TLR2: variants seen among roughly 807,000 people sequenced by gnomAD.
The protein encoded by TLR2 is toll like receptor 2, also known as toll-like receptor 2.
Under a neutral mutation model 9.1 loss-of-function variants are expected in TLR2, and 7 were observed. The ratio of observed to expected loss-of-function variants is 0.77; its 90% CI spans 0.44 to 1.44. TLR2 has a LOEUF of 1.44. TLR2 is among the 40% of genes most tolerant of loss of function. The probability of loss-of-function intolerance (pLI) is 0.01; values close to 1 mark genes in which losing one functional copy is unlikely to be tolerated. For synonymous variants in TLR2, 317 were observed against 344.6 expected (o/e 0.92, Z 0.89); for missense variants, 812 against 904.6 (o/e 0.90, Z 1.31).
intron 2 of TLR2, among the ~76,000 whole-genome samples, chr4:153,691,306 G>A (rs572304239): frequency 6.6e-6 from 1 of 152,214 alleles, no homozygotes; most frequent in Non-Finnish European, 1.5e-5. Flanking sequence ...GGTTTGCCAA[G>A]TAAGACTATT....
chr4:153,710,530 T>C, downstream of TLR2: 4 of 1,585,248 alleles, frequency 2.5e-6, no homozygotes, highest in South Asian at 4.5e-5. Flanking sequence ...TACAGCCAAG[T>C]AGCAGAAATA....
At chr4:153,695,583 T>A (rs1736435407) in intron 2 of TLR2, among the ~76,000 whole-genome samples, 1 of 152,250 alleles carries the variant, frequency 6.6e-6, no homozygotes, top group Non-Finnish European at 1.5e-5. Flanking sequence ...ATTAATCCCC[T>A]TTCAAATGGA....
rs749821450 is a variant in TLR2 at position 153,703,379 on chromosome 4, A to T, written c.472A>T (p.Asn158Tyr). The T allele has an allele frequency of 2.5e-6, 4 of 1,614,150 alleles. No homozygotes were observed. The highest frequency in any genetic ancestry group is 3.4e-6 in the Non-Finnish European group (4 of 1,180,028). The change falls in exon 3 of 3, where the codon AAT (asparagine) becomes TAT (tyrosine). Residue 158 changes from asparagine (N) to tyrosine (Y), a missense_variant. Asn to Tyr is a moderately radical substitution (Grantham distance 143). Coordinates refer to ENST00000642700, the MANE Select transcript of TLR2 (RefSeq NM_001318789.2). ...LTKLQILRVG[N>Y]MDTFTKIQRK... is the part of the protein sequence containing the mutation. ...AAAATTGCAAATCCTGAGAGTGGGAAATATGGACACCTTCACTAAGATTCA... is the reference window on the plus strand; with the variant it reads ...AAAATTGCAAATCCTGAGAGTGGGATATATGGACACCTTCACTAAGATTCA...
chr4:153,693,136 G>T (rs1006545243), intron 2 of TLR2, among the ~76,000 whole-genome samples: 6 of 152,198 alleles, frequency 3.9e-5, no homozygotes, highest in Admixed American at 1.3e-4. Flanking sequence ...AACAGAAGTA[G>T]ATATAACAAT....
At chr4:153,687,467 C>A (rs551060388) in intron 1 of TLR2, among the ~76,000 whole-genome samples, 1 of 152,232 alleles carries the variant, frequency 6.6e-6, no homozygotes, top group African/African-American at 2.4e-5. Flanking sequence ...AATTGAGGAC[C>A]TCTCTTTTGT....
Position 153,703,545 on chromosome 4 carries a change from T to C in TLR2, c.638T>C (p.Leu213Pro). The C allele has an allele frequency of 6.2e-7, 1 of 1,614,136 alleles. No homozygotes were observed. Among genetic ancestry groups the C allele is most frequent in the Non-Finnish European group, 8.5e-7 (1 of 1,180,026 alleles). ...LILHMKQHIL[L>P]LEIFVDVTSS... ...CTTCATATGAAGCAGCATATTTTAC[T>C]GCTGGAGATTTTTGTAGATGTTACA... Residue 213 changes from leucine to proline, a missense_variant, in exon 3 of 3, where the codon CTG (leucine) becomes CCG (proline). Physicochemically the swap from Leu to Pro is moderately conservative, Grantham distance 98. Transcript: ENST00000642700.
chr4:153,707,747 T>C (rs1304047688), downstream of TLR2, among the ~76,000 whole-genome samples: 1 of 152,168 alleles, frequency 6.6e-6, no homozygotes, highest in Non-Finnish European at 1.5e-5. Context: ...TGAAATAGCT[T>C]CATAGATAAT....
Position 153,684,341 on chromosome 4 carries a change from A to G in TLR2, c.-182A>G, listed in dbSNP as rs963677165. The stretch of plus-strand genomic sequence containing the variant: ...CGGCTGCTCGGCGTTCTCTCAGGTG[A>G]CTGCTCGGAGTTCTCCCAGGTACGT... On this transcript the variant is annotated 5_prime_UTR_variant, in exon 1 of 3. Transcript: ENST00000642700. The G allele has an allele frequency of 6.6e-6, 1 of 150,932 alleles. No homozygotes were observed. Among genetic ancestry groups the G allele is most frequent in the African/African-American group, 2.5e-5 (1 of 40,812 alleles). 9.3% of individuals were successfully genotyped at this position (150,932 alleles called of 1,614,324 possible). A position where few individuals can be genotyped will look rare whatever the true frequency, so the allele number is the denominator to read the frequency against.
chr4:153,695,240 A>T (rs1736410203), intron 2 of TLR2, among the ~76,000 whole-genome samples: 1 of 152,186 alleles, frequency 6.6e-6, no homozygotes, highest in African/African-American at 2.4e-5. Context: ...TCTTTTGAGG[A>T]ACCTCCAAAT....
At chr4:153,690,440 A>G (rs531477663) in intron 2 of TLR2, among the ~76,000 whole-genome samples, 111 of 152,358 alleles carry the variant, frequency 7.3e-4, no homozygotes, top group Middle Eastern at 3.4e-3. Flanking sequence ...CTGGGGCATT[A>G]TCTGTTTTAA....
Position 153,703,184 on chromosome 4 carries a change from G to A in TLR2, c.277G>A (p.Glu93Lys). Residue 93 changes from glutamate (E) to lysine (K), a missense_variant, in exon 3 of 3, where the codon GAA becomes AAA. Physicochemically the swap from Glu to Lys is moderately conservative, Grantham distance 56 (BLOSUM62 1). Coordinates refer to ENST00000642700, the MANE Select transcript of TLR2 (RefSeq NM_001318789.2). ...ATCCAATGGAATTAACACAATAGAG[G>A]AAGATTCTTTTTCTTCCCTGGGCAG... The part of the protein sequence containing the change: ...LTSNGINTIE[E>K]DSFSSLGSLE... 6.2e-7 allele frequency: 1 copy of A among 1,614,164 alleles called. No homozygotes were observed. The highest frequency in any genetic ancestry group is 8.5e-7 in the Non-Finnish European group (1 of 1,180,032).
At chr4:153,707,915 T>C (rs1319245728), downstream of TLR2, among the ~76,000 whole-genome samples, 1 of 152,208 alleles carries the variant, frequency 6.6e-6, no homozygotes, top group Admixed American at 6.5e-5. Context: ...CCTAGTCCAC[T>C]GACTCAAATG....
chr4:153,685,944 G>A (rs1735671984), intron 1 of TLR2, among the ~76,000 whole-genome samples: 1 of 152,180 alleles, frequency 6.6e-6, no homozygotes, highest in Non-Finnish European at 1.5e-5. Context: ...CTGGAGTCTG[G>A]GAAGTCCAAG....
intron 2 of TLR2, among the ~76,000 whole-genome samples, chr4:153,698,858 T>C (rs540613849): frequency 6.6e-6 from 1 of 152,314 alleles, no homozygotes; most frequent in South Asian, 2.1e-4. Flanking sequence ...ATTTCACTGA[T>C]ATTCCAAGTG....
chr4:153,699,125 A>G (rs192937125), intron 2 of TLR2, among the ~76,000 whole-genome samples: 3 of 152,282 alleles, frequency 2.0e-5, no homozygotes, highest in Admixed American at 1.3e-4. Context: ...TTAGATAAAT[A>G]CTACTATTGC....
At chr4:153,709,865 G>T (rs1737450680), downstream of TLR2, among the ~76,000 whole-genome samples, 1 of 152,218 alleles carries the variant, frequency 6.6e-6, no homozygotes, top group Admixed American at 6.5e-5. Context: ...GAGGCTTTGG[G>T]AGTAACCCAC....
chr4:153,686,506 A>G (rs1204135247), intron 1 of TLR2, among the ~76,000 whole-genome samples: 1 of 152,240 alleles, frequency 6.6e-6, no homozygotes, highest in Non-Finnish European at 1.5e-5. Flanking sequence ...TATGGATACT[A>G]AAAGGTATAA....
downstream of TLR2, among the ~76,000 whole-genome samples, chr4:153,706,261 C>G (rs1463253397): frequency 6.6e-6 from 1 of 152,212 alleles, no homozygotes; most frequent in East Asian, 1.9e-4. Context: ...TTGAAAGACA[C>G]TTCCCACATC....
chr4:153,694,687 T>C (rs1040206157), intron 2 of TLR2, among the ~76,000 whole-genome samples: 1 of 152,218 alleles, frequency 6.6e-6, no homozygotes, highest in Non-Finnish European at 1.5e-5. Context: ...TTATAAACAA[T>C]CCAATTAAAC....
Sources: allele counts gnomAD v4.1 joint callset (sites outside exome capture counted in the v4.1 genomes callset), GRCh38; gene constraint gnomAD v4.1.1; transcripts MANE v1.5; gene names NCBI Gene and HGNC (gene_info 2026-07-23, HGNC 2026-07-21).